HUNK: variants seen among roughly 807,000 people sequenced by gnomAD.
The protein encoded by HUNK is hormonally up-regulated Neu-associated kinase.
In HUNK, 21 loss-of-function variants were observed where a neutral mutation model predicts 61.0. The ratio of observed to expected loss-of-function variants is 0.34; its 90% CI spans 0.24 to 0.50. The LOEUF is 0.50. HUNK is among the 20% of genes least tolerant of loss of function. HUNK has a pLI of 0.98. For synonymous variants in HUNK, 371 were observed against 386.1 expected (o/e 0.96, Z 0.46); for missense variants, 772 against 945.7 (o/e 0.82, Z 2.41).
chr21:31,889,867 A>G (rs28360607), intron 1 of HUNK, among the ~76,000 whole-genome samples: 10,214 of 152,292 alleles, frequency 0.067, 494 homozygotes, highest in Non-Finnish European at 0.1. Flanking sequence ...GTTTCTTTCC[A>G]GTGTTCAGAC....
intron 6 of HUNK, among the ~76,000 whole-genome samples, chr21:31,973,639 A>C (rs2053028827): frequency 6.6e-6 from 1 of 152,032 alleles, no homozygotes; most frequent in African/African-American, 2.4e-5. Context: ...GGAAGCAGTG[A>C]GCATCTAGAC....
intron 1 of HUNK, among the ~76,000 whole-genome samples, chr21:31,923,785 C>G (rs2052640904): frequency 6.6e-6 from 1 of 152,108 alleles, no homozygotes; most frequent in Non-Finnish European, 1.5e-5. Context: ...GGCAATGGCC[C>G]AGGAGGAGCT....
intron 1 of HUNK, among the ~76,000 whole-genome samples, chr21:31,875,267 C>T (rs1456454069): frequency 6.6e-6 from 1 of 152,158 alleles, no homozygotes; most frequent in Admixed American, 6.5e-5. Context: ...CCTCACCCCA[C>T]CTGTAGTTCC....
At chr21:31,951,097 T>C (rs1193440225) in intron 4 of HUNK, among the ~76,000 whole-genome samples, 1 of 151,494 alleles carries the variant, frequency 6.6e-6, no homozygotes, top group Non-Finnish European at 1.5e-5. Flanking sequence ...TTCTTGGGGG[T>C]TTTCCATTAT....
intron 1 of HUNK, among the ~76,000 whole-genome samples, chr21:31,887,958 G>A (rs1287341215): frequency 1.3e-5 from 2 of 152,106 alleles, no homozygotes; most frequent in Admixed American, 1.3e-4. Context: ...TACTGATCAC[G>A]AAAATAATGA....
chr21:31,962,734 T>C (rs2052937499), intron 5 of HUNK, among the ~76,000 whole-genome samples: 2 of 152,256 alleles, frequency 1.3e-5, no homozygotes, highest in Non-Finnish European at 2.9e-5. Flanking sequence ...TCTCCTCCTT[T>C]TTAAAATAAC....
At chr21:31,979,121 T>C (rs2053072690) in intron 7 of HUNK, among the ~76,000 whole-genome samples, 1 of 151,344 alleles carries the variant, frequency 6.6e-6, no homozygotes, top group Admixed American at 6.6e-5. Flanking sequence ...TTTTTTTTTT[T>C]GAGAGGGAGT....
chr21:31,967,707 C>T (rs748660020), intron 5 of HUNK, among the ~76,000 whole-genome samples: 1 of 152,280 alleles, frequency 6.6e-6, no homozygotes, highest in African/African-American at 2.4e-5. Context: ...CCCCTTGAGA[C>T]TCTGAGTGTC....
intron 2 of HUNK, among the ~76,000 whole-genome samples, chr21:31,934,543 G>C (rs1005295378): frequency 6.6e-6 from 1 of 151,644 alleles, no homozygotes; most frequent in African/African-American, 2.4e-5. Flanking sequence ...GGGTGTACCT[G>C]TGCAGGTTTG....
intron 1 of HUNK, among the ~76,000 whole-genome samples, chr21:31,887,623 G>A (rs1332625272): frequency 6.6e-6 from 1 of 152,170 alleles, no homozygotes; most frequent in African/African-American, 2.4e-5. Flanking sequence ...GCTCTTGTAT[G>A]TGACGCTCCT....
intron 1 of HUNK, among the ~76,000 whole-genome samples, chr21:31,896,860 C>A (rs181605089): frequency 5.3e-5 from 8 of 152,352 alleles, no homozygotes; most frequent in Non-Finnish European, 8.8e-5. Flanking sequence ...TAGGAACACT[C>A]TTAAAGTGAT....
At chr21:31,930,204 A>G (rs936605166) in intron 2 of HUNK, among the ~76,000 whole-genome samples, 6 of 152,336 alleles carry the variant, frequency 3.9e-5, no homozygotes, top group Admixed American at 3.9e-4. Context: ...CAAATCGCTC[A>G]GGCTTTTGTG....
intron 1 of HUNK, among the ~76,000 whole-genome samples, chr21:31,886,937 G>GA (rs2052350936): frequency 6.6e-6 from 1 of 152,180 alleles, no homozygotes; most frequent in South Asian, 2.1e-4. Flanking sequence ...TGCCCGGCCA[G>GA]AAAATATTTT....
chr21:31,901,564 C>G (rs970728883), intron 1 of HUNK, among the ~76,000 whole-genome samples: 3 of 152,250 alleles, frequency 2.0e-5, no homozygotes, highest in Middle Eastern at 6.8e-3. Context: ...GCTTTGAAGT[C>G]TCAAAGTTAA....
intron 1 of HUNK, among the ~76,000 whole-genome samples, chr21:31,900,835 C>T (rs1036555980): frequency 9.9e-5 from 15 of 152,182 alleles, no homozygotes; most frequent in African/African-American, 3.6e-4. Context: ...GTACTGCATT[C>T]GTTTCCTGGG....
In HUNK at chr21:32,003,721, A is replaced by G. The variant is rs2053260452; in HGVS notation, c.*4537A>G. 1 of 152,126 alleles carries G rather than the reference A, an allele frequency of 6.6e-6. No homozygotes were observed. Among genetic ancestry groups the G allele is most frequent in the South Asian group, 2.1e-4 (1 of 4,818 alleles). The allele number at this position is 152,126 out of a possible 1,614,324, so 9.4% of individuals were successfully genotyped here. A position where few individuals can be genotyped will look rare whatever the true frequency, so the allele number is the denominator to read the frequency against. ...GGTTGCAAAGACAAATAGGATATAT[A>G]TTTGTACTTCTTCTCTGTGGACATG... On this transcript the variant is annotated 3_prime_UTR_variant, in exon 11 of 11. Coordinates refer to ENST00000270112, the MANE Select transcript of HUNK (RefSeq NM_014586.2).
chr21:31,949,478 G>T (rs577099936), intron 4 of HUNK, among the ~76,000 whole-genome samples: 20 of 152,260 alleles, frequency 1.3e-4, no homozygotes, highest in African/African-American at 4.8e-4. Context: ...AATATGTATT[G>T]AGTGGATGAA....
chr21:31,955,886 T>C (rs2052886375), intron 4 of HUNK, among the ~76,000 whole-genome samples: 1 of 152,234 alleles, frequency 6.6e-6, no homozygotes, highest in African/African-American at 2.4e-5. Flanking sequence ...GAGCCAAGAT[T>C]AGGCACTCAG....
At chr21:31,963,520 C>T (rs1004295463) in intron 5 of HUNK, among the ~76,000 whole-genome samples, 1 of 152,142 alleles carries the variant, frequency 6.6e-6, no homozygotes, top group South Asian at 2.1e-4. Context: ...TTGTTTAAGA[C>T]AAGGTTTCAC....
Sources: gnomAD v4.1 joint callset for allele counts (sites outside exome capture counted in the v4.1 genomes callset) on GRCh38, gnomAD v4.1.1 for gene constraint, MANE v1.5 for transcripts, NCBI Gene and HGNC (gene_info 2026-07-23, HGNC 2026-07-21) for gene names.